CADM2: variants seen among roughly 807,000 people sequenced by gnomAD.
The protein encoded by CADM2 is immunoglobulin superfamily member 4D.
CADM2 carries 12 observed loss-of-function variants against 49.8 expected under a neutral mutation model. The observed-to-expected ratio is 0.24, with a 90% CI of 0.15 to 0.39. CADM2 has a LOEUF of 0.39. Ranked by LOEUF, CADM2 falls within the 10% of genes least tolerant of loss-of-function variation. CADM2 has a pLI of 1.00. For missense variants in CADM2, 378 were observed against 492.3 expected (o/e 0.77, Z 2.20); for synonymous variants, 214 against 175.4 (o/e 1.22, Z -1.74).
chr3:85,809,789 TC>T lies in CADM2; in HGVS notation c.238+7594del, dbSNP rs1178673131. Among the ~76,000 whole-genome samples the T allele has an allele frequency of 2.9e-3, 338 of 116,552 alleles. 38 individuals are homozygous for T. Among genetic ancestry groups the T allele is most frequent in the South Asian group, 0.011 (31 of 2,800 alleles). The allele number at this position is 116,552 out of a possible 152,430, so 76.5% of individuals were successfully genotyped here. On this transcript the variant is annotated intron_variant, in intron 3 of 9. Transcript: ENST00000383699. Reference sequence around the variant, plus strand: ...CTCTCTCTCTCTCTCTCTCTCTCTCTCTCTTTCTTTCTTTCTTTCTTTCTGT... The same window carrying T: ...CTCTCTCTCTCTCTCTCTCTCTCTCTTCTTTCTTTCTTTCTTTCTTTCTGT...
At chr3:86,030,135 G>A (rs1230007312) in intron 8 of CADM2, among the ~76,000 whole-genome samples, 1 of 151,898 alleles carries the variant, frequency 6.6e-6, no homozygotes, top group East Asian at 1.9e-4. Context: ...AACTCCTGAA[G>A]ACTTTAAAGA....
chr3:85,170,814 G>A (rs1308717435), intron 1 of CADM2, among the ~76,000 whole-genome samples: 2 of 152,176 alleles, frequency 1.3e-5, no homozygotes, highest in African/African-American at 2.4e-5. Context: ...ACTTGGTTGT[G>A]AGAGTCTTGG....
chr3:85,339,615 T>C (rs2045186811), intron 1 of CADM2, among the ~76,000 whole-genome samples: 1 of 151,416 alleles, frequency 6.6e-6, no homozygotes, highest in Admixed American at 6.6e-5. Flanking sequence ...TTCTCCCAAG[T>C]CACTTGGTTA....
intron 1 of CADM2, among the ~76,000 whole-genome samples, chr3:85,218,100 A>G (rs1437550710): frequency 6.6e-6 from 1 of 152,120 alleles, no homozygotes; most frequent in African/African-American, 2.4e-5. Flanking sequence ...TATTAGACAT[A>G]TAATAATTAG....
At chr3:85,015,937 G>A (rs2034232355) in intron 1 of CADM2, among the ~76,000 whole-genome samples, 1 of 152,258 alleles carries the variant, frequency 6.6e-6, no homozygotes, top group Non-Finnish European at 1.5e-5. Flanking sequence ...GGTGTGATAT[G>A]ATTATAAAAG....
At chr3:85,851,937 G>A (rs190083834) in intron 3 of CADM2, among the ~76,000 whole-genome samples, 24 of 152,138 alleles carry the variant, frequency 1.6e-4, no homozygotes, top group African/African-American at 5.8e-4. Flanking sequence ...TGGAGAGGAG[G>A]TTGAGTAATT....
intron 1 of CADM2, among the ~76,000 whole-genome samples, chr3:85,498,447 A>C (rs1166188772): frequency 6.6e-6 from 1 of 152,138 alleles, no homozygotes; most frequent in Non-Finnish European, 1.5e-5. Flanking sequence ...GAAAGTACCA[A>C]AGTAACATCT....
At chr3:85,586,048 T>C (rs538010519) in intron 1 of CADM2, among the ~76,000 whole-genome samples, 2 of 152,094 alleles carry the variant, frequency 1.3e-5, no homozygotes, top group Middle Eastern at 6.8e-3. Context: ...CAATTCAGTG[T>C]GTGATTTTGT....
chr3:84,961,156 G>A (rs2107034635), intron 1 of CADM2, among the ~76,000 whole-genome samples: 1 of 152,250 alleles, frequency 6.6e-6, no homozygotes, highest in Middle Eastern at 3.4e-3. Context: ...GCAAAACCCA[G>A]TCGGCCTTTG....
At chr3:85,359,594 A>G (rs2032155415) in intron 1 of CADM2, among the ~76,000 whole-genome samples, 1 of 131,604 alleles carries the variant, frequency 7.6e-6, no homozygotes, top group East Asian at 2.3e-4. Flanking sequence ...GATCAAGACT[A>G]CTGATACTTT....
At chr3:85,988,620 A>G (rs556963374) in intron 8 of CADM2, among the ~76,000 whole-genome samples, 12 of 152,178 alleles carry the variant, frequency 7.9e-5, no homozygotes, top group Non-Finnish European at 1.6e-4. Flanking sequence ...TAACAGAGTT[A>G]AAAAAGAAAG....
In CADM2 at chr3:85,059,302, C is replaced by G. The variant is rs2036210509; in HGVS notation, c.61+99634C>G. On this transcript the variant is annotated intron_variant, in intron 1 of 9. Transcript: ENST00000383699. ...TGCATAGTGGTAGCCTGTTAAAGAT[C>G]TAGCAAATAAAAAAATAAAAAAAAA... Among the ~76,000 whole-genome samples the G allele has an allele frequency of 2.7e-5, 4 of 146,446 alleles. No individual in the cohort carries two copies. The South Asian group carries it at 8.7e-4, about 32-fold the overall frequency.
intron 1 of CADM2, among the ~76,000 whole-genome samples, chr3:85,026,964 TA>T (rs1459303518): frequency 9.2e-5 from 14 of 152,004 alleles, no homozygotes; most frequent in African/African-American, 2.7e-4. Context: ...AATTATAGAC[TA>T]ACGACAGCTA....
At chr3:85,384,896 C>G (rs2034130749) in intron 1 of CADM2, among the ~76,000 whole-genome samples, 1 of 151,746 alleles carries the variant, frequency 6.6e-6, no homozygotes, top group East Asian at 1.9e-4. Flanking sequence ...AAATGTTTTC[C>G]TATATCCTCC....
At chr3:85,311,445 G>C (rs1032405058) in intron 1 of CADM2, among the ~76,000 whole-genome samples, 1 of 150,902 alleles carries the variant, frequency 6.6e-6, no homozygotes, top group Non-Finnish European at 1.5e-5. Flanking sequence ...GCGCGATCTC[G>C]GCTCACTGCA....
At chr3:85,178,407 ATTGT>A (rs1270382423) in intron 1 of CADM2, among the ~76,000 whole-genome samples, 1 of 151,880 alleles carries the variant, frequency 6.6e-6, no homozygotes, top group Admixed American at 6.6e-5. Flanking sequence ...TTATTAATAA[ATTGT>A]TTGTTGAATT....
At chr3:85,583,101 A>C (rs1406681716) in intron 1 of CADM2, among the ~76,000 whole-genome samples, 2 of 152,150 alleles carry the variant, frequency 1.3e-5, no homozygotes, top group African/African-American at 2.4e-5. Flanking sequence ...GTTAGGAATA[A>C]AGTTCAAATA....
At chr3:85,045,173 G>A (rs928701390) in intron 1 of CADM2, among the ~76,000 whole-genome samples, 3 of 152,098 alleles carry the variant, frequency 2.0e-5, no homozygotes, top group South Asian at 2.1e-4. Flanking sequence ...ACCTTAACTC[G>A]TTGGACACTG....
chr3:85,234,076 T>C (rs560259052), intron 1 of CADM2, among the ~76,000 whole-genome samples: 1 of 152,192 alleles, frequency 6.6e-6, no homozygotes, highest in East Asian at 1.9e-4. Context: ...ATTTTCCCTG[T>C]TTTGCAGATA....
Sources: gnomAD v4.1 joint callset for allele counts (sites outside exome capture counted in the v4.1 genomes callset) on GRCh38, gnomAD v4.1.1 for gene constraint, MANE v1.5 for transcripts, NCBI Gene and HGNC (gene_info 2026-07-23, HGNC 2026-07-21) for gene names.